TPST1: variants seen among roughly 807,000 people sequenced by gnomAD.
The protein encoded by TPST1 is tyrosylprotein sulfotransferase 1.
In TPST1, 20 loss-of-function variants were observed where a neutral mutation model predicts 34.8. That is an observed-to-expected ratio of 0.57 (90% CI 0.40 to 0.84). The LOEUF is 0.84. TPST1 is among the 40% of genes least tolerant of loss of function. The pLI, the probability that TPST1 is intolerant of heterozygous loss-of-function variation, is 0.00. For missense variants in TPST1, 353 were observed against 455.5 expected (o/e 0.78, Z 2.05); for synonymous variants, 152 against 159.4 (o/e 0.95, Z 0.35).
the TPST1 span, among the ~76,000 whole-genome samples, chr7:66,199,481 G>C: frequency 6.6e-6 from 1 of 151,784 alleles, no homozygotes; most frequent in Admixed American, 6.6e-5. Context: ...TTTTAGTAGA[G>C]ATGGGGTTTC....
intron 3 of TPST1, among the ~76,000 whole-genome samples, chr7:66,342,974 G>A (rs146959647): frequency 6.6e-6 from 1 of 152,188 alleles, no homozygotes; most frequent in African/African-American, 2.4e-5. Context: ...GCCCTCTCTA[G>A]CCTTCCTGTC....
At chr7:66,345,095 A>C (rs1313149959) in intron 3 of TPST1, among the ~76,000 whole-genome samples, 1 of 152,120 alleles carries the variant, frequency 6.6e-6, no homozygotes, top group Non-Finnish European at 1.5e-5. Flanking sequence ...ACAGAGGAAA[A>C]GAGAGAAAGG....
At chr7:66,246,585 A>C (rs536571946) in intron 2 of TPST1, among the ~76,000 whole-genome samples, 1 of 152,352 alleles carries the variant, frequency 6.6e-6, no homozygotes, top group African/African-American at 2.4e-5. Context: ...TAGAAGTTGG[A>C]TATCAGATCA....
chr7:66,302,264 C>A (rs76783710), intron 3 of TPST1, among the ~76,000 whole-genome samples: 2,035 of 152,208 alleles, frequency 0.013, 57 homozygotes, highest in African/African-American at 0.046. Flanking sequence ...TTAGCCCAAC[C>A]TTAGCTTTCT....
At position 66,307,487 on chromosome 7, in the gene TPST1, A is replaced by T. The variant is rs1323987889; in HGVS notation, c.1044+20778A>T. On this transcript the variant is annotated intron_variant, in intron 3 of 5. Transcript: ENST00000304842. ...TGTTTAGAATGCCATTATGGTGAAT[A>T]AGATATTTTGTAAGGGAAAGGATGC... 2.6e-5 allele frequency among the ~76,000 whole-genome samples: 4 copies of T among 152,008 alleles called. No individual in the cohort carries two copies. The East Asian group carries it at 7.8e-4, about 30-fold the overall frequency.
At chr7:66,243,610 A>ATTTTTTTTTTTTT (rs10627680) in intron 2 of TPST1, among the ~76,000 whole-genome samples, 11 of 123,360 alleles carry the variant, frequency 8.9e-5, no homozygotes, top group East Asian at 2.3e-4. Flanking sequence ...TGCCCAGCTA[A>ATTTTTTTTTTTTT]TTTTTTTTTT....
chr7:66,236,985 T>G (rs1026007871), intron 1 of TPST1, among the ~76,000 whole-genome samples: 1 of 152,116 alleles, frequency 6.6e-6, no homozygotes, highest in African/African-American at 2.4e-5. Context: ...ACATACAAAG[T>G]TTAGGCTTTT....
intron 2 of TPST1, among the ~76,000 whole-genome samples, chr7:66,258,138 T>C (rs1790416052): frequency 6.6e-6 from 1 of 152,206 alleles, no homozygotes; most frequent in African/African-American, 2.4e-5. Context: ...TCTCTATGTC[T>C]GTTTTTTTTT....
intron 3 of TPST1, among the ~76,000 whole-genome samples, chr7:66,329,885 G>A (rs1047791131): frequency 1.3e-5 from 2 of 152,170 alleles, no homozygotes; most frequent in Non-Finnish European, 2.9e-5. Context: ...TTGTAAGTGA[G>A]AGGTAAACAC....
chr7:66,299,268 G>T (rs1791263220), intron 3 of TPST1, among the ~76,000 whole-genome samples: 2 of 141,562 alleles, frequency 1.4e-5, no homozygotes, highest in Admixed American at 7.0e-5. Context: ...AGTTCTTATA[G>T]TAAAGACATG....
chr7:66,201,743 C>G (rs1287377887), upstream of TPST1, among the ~76,000 whole-genome samples: 2 of 151,430 alleles, frequency 1.3e-5, no homozygotes, highest in African/African-American at 4.9e-5. Flanking sequence ...GTCTTAGCTA[C>G]TCAGGAGGCT....
chr7:66,247,109 T>G (rs1443317198), intron 2 of TPST1, among the ~76,000 whole-genome samples: 3 of 152,322 alleles, frequency 2.0e-5, no homozygotes, highest in African/African-American at 7.2e-5. Context: ...TCACCACTGC[T>G]TCTTCATTGG....
chr7:66,240,129 C>T (rs1035202440), intron 1 of TPST1, among the ~76,000 whole-genome samples, 196 bp from the exon 2 acceptor site: 6 of 151,970 alleles, frequency 3.9e-5, no homozygotes, highest in African/African-American at 1.2e-4. Context: ...CCTCGTGATC[C>T]GCCCGCCTCG....
At chr7:66,207,732 A>C (rs1372679460) in intron 1 of TPST1, among the ~76,000 whole-genome samples, 1 of 152,190 alleles carries the variant, frequency 6.6e-6, no homozygotes, top group African/African-American at 2.4e-5. Context: ...CTCAGGTTCT[A>C]ATTTTCATCT....
At chr7:66,247,095 A>G (rs768803053) in intron 2 of TPST1, among the ~76,000 whole-genome samples, 4 of 152,216 alleles carry the variant, frequency 2.6e-5, no homozygotes, top group Non-Finnish European at 1.5e-5. Context: ...GTTAAGAACT[A>G]TGGTCACCAC....
rs748139362 is a variant in TPST1 at position 66,241,117 on chromosome 7, A to T, written c.692A>T (p.Tyr231Phe). 6.2e-7 allele frequency: 1 copy of T among 1,614,206 alleles called. No homozygotes were observed. Among genetic ancestry groups the T allele is most frequent in the Non-Finnish European group, 8.5e-7 (1 of 1,180,026 alleles). ...TATAACCAGTGTATGGAGGTTGGTT[A>T]TAAAAAGTGCATGTTGGTTCACTAT... is the stretch of plus-strand genomic sequence containing the variant. ...TMYNQCMEVG[Y>F]KKCMLVHYEQ... Residue 231 changes from tyrosine (Y) to phenylalanine (F), a missense_variant, in exon 2 of 6, where the codon TAT becomes TTT. Coordinates refer to ENST00000304842, the MANE Select transcript of TPST1 (RefSeq NM_003596.4).
intron 3 of TPST1, among the ~76,000 whole-genome samples, chr7:66,331,428 A>C (rs1318542426): frequency 6.6e-6 from 1 of 152,150 alleles, no homozygotes; most frequent in Non-Finnish European, 1.5e-5. Flanking sequence ...AACTTGTAAA[A>C]CCTTGGCTAT....
At chr7:66,198,999 A>C in the TPST1 span, among the ~76,000 whole-genome samples, 1 of 152,150 alleles carries the variant, frequency 6.6e-6, no homozygotes, top group African/African-American at 2.4e-5. Flanking sequence ...CAGGGCTTTT[A>C]GGTCACTTTA....
intron 3 of TPST1, among the ~76,000 whole-genome samples, chr7:66,340,921 G>A (rs2116326637): frequency 6.6e-6 from 1 of 152,292 alleles, no homozygotes; most frequent in East Asian, 1.9e-4. Context: ...TGAGGCAGGA[G>A]AATCACTTGA....
Sources: allele counts gnomAD v4.1 joint callset (sites outside exome capture counted in the v4.1 genomes callset), GRCh38; gene constraint gnomAD v4.1.1; transcripts MANE v1.5; gene names NCBI Gene and HGNC (gene_info 2026-07-23, HGNC 2026-07-21).